The following HIGD1C variants were observed in gnomAD, a reference collection of about 807,000 sequenced individuals.
HIGD1C encodes HIG1 domain family member 1C.
In HIGD1C, 11 loss-of-function variants were observed where a neutral mutation model predicts 13.1. That is an observed-to-expected ratio of 0.84 (90% CI 0.53 to 1.39). The LOEUF is 1.39. Ranked by LOEUF, HIGD1C falls within the 40% of genes most tolerant of loss-of-function variation. HIGD1C has a pLI of 0.00. For synonymous variants in HIGD1C, 36 were observed against 37.7 expected, an observed-to-expected ratio of 0.95 and a Z score of 0.17; for missense variants, 110 against 112.0, an observed-to-expected ratio of 0.98 and a Z score of 0.08.
At chr12:50,948,979 C>T (rs1276445896), upstream of HIGD1C, 1 of 129,400 alleles carries the variant, frequency 7.7e-6, no homozygotes, top group Non-Finnish European at 1.6e-5. Context: ...GAGGTTATTC[C>T]TTGCAGCATT....
intron 1 of HIGD1C, chr12:50,954,417 C>T (rs1313069149): frequency 9.5e-6 from 2 of 209,648 alleles, no homozygotes; most frequent in Non-Finnish European, 1.9e-5. Context: ...GGACCATCAA[C>T]AGCAGCATCA....
the HIGD1C span, among the ~76,000 whole-genome samples, chr12:50,946,901 AG>A: frequency 6.6e-6 from 1 of 152,176 alleles, no homozygotes; most frequent in Non-Finnish European, 1.5e-5. Flanking sequence ...TAGAACTTAA[AG>A]TATAATAAAA....
At chr12:50,953,970 T>C (rs749847650) in exon 1 of HIGD1C, 6 of 1,333,030 alleles carry the variant, frequency 4.5e-6, no homozygotes, top group Non-Finnish European at 6.5e-6. Flanking sequence ...GGCAACCACA[T>C]TTATATCCTA....
At chr12:50,944,745 G>A in the HIGD1C span, among the ~76,000 whole-genome samples, 319 of 152,158 alleles carry the variant, frequency 2.1e-3, 1 homozygote, top group African/African-American at 7.5e-3. Context: ...AAATTAGCTG[G>A]GCATGGTGGC....
At chr12:50,958,516 C>T (rs902379261) in intron 1 of HIGD1C, among the ~76,000 whole-genome samples, 41 of 149,710 alleles carry the variant, frequency 2.7e-4, no homozygotes, top group African/African-American at 9.8e-4. Context: ...CTCCTGACCT[C>T]GTGATCCGCC....
At chr12:50,972,445 C>G (rs566521864), downstream of HIGD1C, among the ~76,000 whole-genome samples, 2 of 152,208 alleles carry the variant, frequency 1.3e-5, no homozygotes, top group Non-Finnish European at 2.9e-5. Flanking sequence ...AACAGGAGCA[C>G]TTAGAAGGAA....
At chr12:50,959,658 TG>T (rs1171607280) in intron 1 of HIGD1C, among the ~76,000 whole-genome samples, 2 of 152,184 alleles carry the variant, frequency 1.3e-5, no homozygotes, top group Admixed American at 1.3e-4. Context: ...GTTTGTTTTT[TG>T]TTTTTTAAAA....
At chr12:50,971,943 T>C (rs1939772823), downstream of HIGD1C, among the ~76,000 whole-genome samples, 1 of 152,252 alleles carries the variant, frequency 6.6e-6, no homozygotes, top group South Asian at 2.1e-4. Context: ...ATTTTAAAAG[T>C]TGTCAACTGT....
At chr12:50,960,881 T>A (rs1175642758) in intron 1 of HIGD1C, 87 bp from the exon 4 acceptor site, 1 of 1,179,958 alleles carries the variant, frequency 8.5e-7, no homozygotes, top group East Asian at 2.8e-5. Flanking sequence ...GGTCTTGCTA[T>A]GTTGCCCAGG....
chr12:50,958,063 G>C (rs73295896), intron 1 of HIGD1C, among the ~76,000 whole-genome samples: 27,436 of 150,156 alleles, frequency 0.18, 2,843 homozygotes, highest in East Asian at 0.5. Flanking sequence ...GCCTTGGCCT[G>C]CCAAAGTGCT....
chr12:50,952,059 A>T (rs1009424933), upstream of HIGD1C, among the ~76,000 whole-genome samples: 12 of 136,730 alleles, frequency 8.8e-5, no homozygotes, highest in South Asian at 2.3e-4. Flanking sequence ...TAGACCAGAA[A>T]TTTTTTTTTT....
At chr12:50,960,077 G>A (rs1939267507) in intron 1 of HIGD1C, among the ~76,000 whole-genome samples, 1 of 152,268 alleles carries the variant, frequency 6.6e-6, no homozygotes, top group Non-Finnish European at 1.5e-5. Context: ...ACAGAATCTT[G>A]GTTGTCACAG....
chr12:50,933,485 G>T, the HIGD1C span, among the ~76,000 whole-genome samples: 6 of 152,356 alleles, frequency 3.9e-5, no homozygotes, highest in Middle Eastern at 0.014. Context: ...CAGGCAGAAA[G>T]CCTCAGGCAC....
At chr12:50,954,293 C>A (rs1442499120) in intron 1 of HIGD1C, 1 of 447,666 alleles carries the variant, frequency 2.2e-6, no homozygotes, top group Non-Finnish European at 3.9e-6. Context: ...TTATTTGAGG[C>A]ATCAAATTTT....
intron 2 of HIGD1C, among the ~76,000 whole-genome samples, chr12:50,969,371 A>G (rs1939671830): frequency 6.6e-6 from 1 of 152,080 alleles, no homozygotes; most frequent in South Asian, 2.1e-4. Context: ...TAAATCTGGA[A>G]AGTTTGGAGA....
At chr12:50,939,080 A>G in the HIGD1C span, among the ~76,000 whole-genome samples, 1 of 152,090 alleles carries the variant, frequency 6.6e-6, no homozygotes, top group African/African-American at 2.4e-5. Context: ...CCATACCTCC[A>G]CACCTTCACT....
At chr12:50,954,269 G>A (rs1365987789) in intron 1 of HIGD1C, 177 bp downstream of exon 3, 1 of 462,200 alleles carries the variant, frequency 2.2e-6, no homozygotes, top group Non-Finnish European at 3.8e-6. Context: ...TAAGCCCCCA[G>A]TAAATGTTAG....
chr12:50,941,390 C>T, the HIGD1C span, among the ~76,000 whole-genome samples: 1 of 152,120 alleles, frequency 6.6e-6, no homozygotes, highest in African/African-American at 2.4e-5. Flanking sequence ...TTATTTTTTT[C>T]CTTTCATATT....
At chr12:50,965,311 T>G (rs900111111) in intron 2 of HIGD1C, among the ~76,000 whole-genome samples, 1 of 143,636 alleles carries the variant, frequency 7.0e-6, no homozygotes, top group African/African-American at 2.6e-5. Context: ...TTTGTAGAGG[T>G]GAAGTCTTGC....
Sources: gnomAD v4.1 joint callset for allele counts (sites outside exome capture counted in the v4.1 genomes callset) on GRCh38, gnomAD v4.1.1 for gene constraint, MANE v1.5 for transcripts, NCBI Gene and HGNC (gene_info 2026-07-23, HGNC 2026-07-21) for gene names.